SLIT3: variants seen among roughly 807,000 people sequenced by gnomAD.
SLIT3 encodes the protein slit guidance ligand 3.
A neutral mutation model predicts 184.0 loss-of-function variants in SLIT3; 68 were observed. That is an observed-to-expected ratio of 0.37 (90% CI 0.30 to 0.45). The LOEUF is 0.45. Among genes scored for constraint, SLIT3 ranks in the 20% least tolerant of loss-of-function variants. The probability of loss-of-function intolerance (pLI) is 1.00; values close to 1 mark genes in which losing one functional copy is unlikely to be tolerated. For synonymous variants in SLIT3, 831 were observed against 828.6 expected, an observed-to-expected ratio of 1.00 and a Z score of -0.05; for missense variants, 1,707 against 2,026.0, an observed-to-expected ratio of 0.84 and a Z score of 3.02.
chr5:168,694,841 ACTC>A (rs1399773389), intron 28 of SLIT3, among the ~76,000 whole-genome samples: 1 of 152,018 alleles, frequency 6.6e-6, no homozygotes, highest in South Asian at 2.1e-4. Flanking sequence ...CTGGTCTCGA[ACTC>A]CTGATCTCAG....
intron 4 of SLIT3, among the ~76,000 whole-genome samples, chr5:168,885,794 A>G (rs957853091): frequency 2.0e-5 from 3 of 152,220 alleles, no homozygotes; most frequent in Non-Finnish European, 4.4e-5. Context: ...CCAGTAATGC[A>G]CTAACCTTGT....
intron 4 of SLIT3, among the ~76,000 whole-genome samples, chr5:169,176,793 G>T (rs1561716463): frequency 6.6e-6 from 1 of 152,218 alleles, no homozygotes; most frequent in Non-Finnish European, 1.5e-5. Context: ...GGGCTGGACT[G>T]GCTCACAGGC....
chr5:168,892,172 A>T (rs1222100962), intron 4 of SLIT3, among the ~76,000 whole-genome samples: 1 of 152,268 alleles, frequency 6.6e-6, no homozygotes, highest in African/African-American at 2.4e-5. Context: ...AGTTGAAATT[A>T]ATTTTAATAT....
At chr5:168,883,237 G>A (rs552398154) in intron 5 of SLIT3, 28 bp downstream of exon 5, 12 of 1,595,994 alleles carry the variant, frequency 7.5e-6, no homozygotes, top group African/African-American at 1.3e-5. Flanking sequence ...AGCCACATAC[G>A]TAGTGAAGCA....
At chr5:169,262,091 A>C (rs1766209939) in intron 1 of SLIT3, among the ~76,000 whole-genome samples, 1 of 152,150 alleles carries the variant, frequency 6.6e-6, no homozygotes, top group African/African-American at 2.4e-5. Flanking sequence ...CACAACCTCA[A>C]CCAAACCCTT....
intron 4 of SLIT3, among the ~76,000 whole-genome samples, chr5:169,097,509 A>G (rs1426555407): frequency 6.6e-6 from 1 of 152,242 alleles, no homozygotes; most frequent in Non-Finnish European, 1.5e-5. Flanking sequence ...TGTGACATGT[A>G]GACGCATTTT....
intron 20 of SLIT3, among the ~76,000 whole-genome samples, chr5:168,738,872 G>A (rs1228689207): frequency 2.0e-5 from 3 of 147,560 alleles, no homozygotes; most frequent in African/African-American, 7.5e-5. Context: ...CAGGAGGCGG[G>A]GCTTGCAGTG....
chr5:168,876,411 G>T (rs1185546553), intron 5 of SLIT3, among the ~76,000 whole-genome samples: 2 of 151,994 alleles, frequency 1.3e-5, no homozygotes, highest in Non-Finnish European at 2.9e-5. Flanking sequence ...TGGATCATGG[G>T]GTTCTAGGTC....
At chr5:169,285,941 T>A (rs1179479350) in intron 1 of SLIT3, among the ~76,000 whole-genome samples, 1 of 152,208 alleles carries the variant, frequency 6.6e-6, no homozygotes, top group East Asian at 1.9e-4. Flanking sequence ...ACGTAGAGAA[T>A]CATTGAGCAT....
In SLIT3 at chr5:168,789,586, G is replaced by A. The variant is rs199914264; in HGVS notation, c.1053C>T (p.Phe351=). ...GCGATGTGAGTGATTTCAGGCCCTG[G>A]AAGGCATCTGGAGCAATATCCGATA... ...NQISDIAPDA[F]QGLKSLTSLV... The change falls in exon 11 of 36, where the codon TTC becomes TTT. Residue 351 remains phenylalanine (F), a synonymous_variant. Transcript: ENST00000519560. 128 of 1,613,706 alleles carry A rather than the reference G, an allele frequency of 7.9e-5. No individual in the cohort carries two copies. In the East Asian group the frequency reaches 2.8e-3, roughly 35 times the overall value.
intron 9 of SLIT3, among the ~76,000 whole-genome samples, chr5:168,805,694 C>G (rs894703167): frequency 1.3e-5 from 2 of 152,174 alleles, no homozygotes; most frequent in African/African-American, 4.8e-5. Context: ...CATCTTGTGT[C>G]ATTACCTAAA....
intron 6 of SLIT3, among the ~76,000 whole-genome samples, chr5:168,829,722 T>C (rs186209559): frequency 1.1e-4 from 17 of 152,246 alleles, no homozygotes; most frequent in African/African-American, 3.9e-4. Flanking sequence ...TTAACAGAGG[T>C]GGATGCAGCC....
At chr5:169,071,100 A>C (rs954957590) in intron 4 of SLIT3, among the ~76,000 whole-genome samples, 7 of 152,194 alleles carry the variant, frequency 4.6e-5, no homozygotes, top group African/African-American at 1.7e-4. Context: ...CACAGGTAAC[A>C]TAATTAAGAG....
intron 4 of SLIT3, among the ~76,000 whole-genome samples, chr5:168,901,519 G>C (rs146757807): frequency 5.9e-5 from 9 of 152,302 alleles, no homozygotes; most frequent in Non-Finnish European, 8.8e-5. Flanking sequence ...GCCATGATTA[G>C]GGAAGAGGAC....
intron 4 of SLIT3, among the ~76,000 whole-genome samples, chr5:169,079,826 AGG>A (rs1758934526): frequency 1.6e-5 from 1 of 62,468 alleles, no homozygotes; most frequent in South Asian, 6.8e-4. Flanking sequence ...AGGAGGAGGG[AGG>A]AGGAGGAGGG....
At chr5:169,159,789 CA>C (rs1435101653) in intron 4 of SLIT3, among the ~76,000 whole-genome samples, 1 of 151,758 alleles carries the variant, frequency 6.6e-6, no homozygotes, top group South Asian at 2.1e-4. Context: ...AACAAACAAA[CA>C]AAAAAAAGCA....
intron 1 of SLIT3, among the ~76,000 whole-genome samples, chr5:169,295,411 G>C (rs1767471123): frequency 1.3e-5 from 2 of 152,256 alleles, no homozygotes; most frequent in South Asian, 4.1e-4. Context: ...ACCGTGCTGA[G>C]CACATTACAG....
At chr5:169,212,568 G>A (rs542967257) in intron 3 of SLIT3, among the ~76,000 whole-genome samples, 2 of 152,154 alleles carry the variant, frequency 1.3e-5, no homozygotes, top group African/African-American at 2.4e-5. Context: ...TCTGTAGGTT[G>A]CCTGTTCACT....
At position 169,266,940 on chromosome 5, in the gene SLIT3, C is replaced by T. The variant is rs112494893; in HGVS notation, c.198-15481G>A. 7.9e-3 allele frequency among the ~76,000 whole-genome samples: 1,206 copies of T among 152,280 alleles called. 18 individuals are homozygous for T. Among genetic ancestry groups the T allele is most frequent in the African/African-American group, 0.028 (1,167 of 41,546 alleles). On this transcript the variant is annotated intron_variant, in intron 1 of 35. Transcript: ENST00000519560. ...ACCTTAAGCAATGTTTTTAAGAAGGCCACTTAACTCCGGTCAATAGAGGTA... is the reference window on the plus strand; with the variant it reads ...ACCTTAAGCAATGTTTTTAAGAAGGTCACTTAACTCCGGTCAATAGAGGTA...
Sources: gnomAD v4.1 joint callset for allele counts (sites outside exome capture counted in the v4.1 genomes callset) on GRCh38, gnomAD v4.1.1 for gene constraint, MANE v1.5 for transcripts, NCBI Gene and HGNC (gene_info 2026-07-23, HGNC 2026-07-21) for gene names.